Variants in CPQ observed in about 807,000 individuals in gnomAD.
CPQ encodes the protein Ser-Met dipeptidase.
In CPQ, 37 loss-of-function variants were observed where a neutral mutation model predicts 45.7. The ratio of observed to expected loss-of-function variants is 0.81; its 90% CI spans 0.62 to 1.07. CPQ has a LOEUF of 1.07. Among genes scored for constraint, CPQ ranks in the 50% least tolerant of loss-of-function variants. The pLI is 0.00. For synonymous variants in CPQ, 186 were observed against 205.8 expected, an observed-to-expected ratio of 0.90 and a Z score of 0.82; for missense variants, 537 against 572.9, an observed-to-expected ratio of 0.94 and a Z score of 0.64.
At chr8:96,959,127 A>G (rs1365862419) in intron 4 of CPQ, among the ~76,000 whole-genome samples, 1 of 152,134 alleles carries the variant, frequency 6.6e-6, no homozygotes. Context: ...CACCCTCTGA[A>G]AGCCAAGGCT....
intron 1 of CPQ, among the ~76,000 whole-genome samples, chr8:96,709,564 T>A (rs999945106): frequency 6.6e-6 from 1 of 152,196 alleles, no homozygotes; most frequent in African/African-American, 2.4e-5. Flanking sequence ...AACATATGCA[T>A]GCAAGTGTCT....
rs552995290 is a variant in CPQ at position 96,877,989 on chromosome 8, G to T, written c.642-1809G>T. Among the ~76,000 whole-genome samples, 61 of 151,934 alleles carry T rather than the reference G, an allele frequency of 4.0e-4. No homozygotes were observed. The South Asian group carries it at 0.012, about 30-fold the overall frequency. ...TTTCTTTTTTTTTTTCTGAGACGGA[G>T]TCTCGCTCTGTCGCCCAGGCTGGAG... is the stretch of plus-strand genomic sequence containing the variant. On this transcript the variant is annotated intron_variant, in intron 3 of 7. Transcript: ENST00000220763.
intron 7 of CPQ, among the ~76,000 whole-genome samples, chr8:97,119,155 C>G (rs1015760646): frequency 2.0e-5 from 3 of 151,726 alleles, no homozygotes; most frequent in African/African-American, 7.3e-5. Flanking sequence ...ATGGTGAAAC[C>G]CTGACTCTAC....
intron 3 of CPQ, among the ~76,000 whole-genome samples, chr8:96,846,431 C>T (rs1190486007): frequency 6.6e-6 from 1 of 152,020 alleles, no homozygotes; most frequent in Non-Finnish European, 1.5e-5. Context: ...GATGTCTTTC[C>T]CATCTTTTGT....
In CPQ at chr8:96,986,306, A is replaced by G. The variant is rs535460730; in HGVS notation, c.961+20260A>G. Among the ~76,000 whole-genome samples, 3 of 152,284 alleles carry G rather than the reference A, an allele frequency of 2.0e-5. No homozygotes were observed. In the South Asian group the frequency reaches 6.2e-4, roughly 32 times the overall value. On this transcript the variant is annotated intron_variant, in intron 5 of 7. Transcript: ENST00000220763. ...CCTAATTTTCATATCGGATTAGAAAATTCGATTGGACCATCAAAGCAAATG... is the reference window on the plus strand; with the variant it reads ...CCTAATTTTCATATCGGATTAGAAAGTTCGATTGGACCATCAAAGCAAATG...
chr8:96,977,382 C>T (rs893340126), intron 5 of CPQ, among the ~76,000 whole-genome samples: 10 of 151,564 alleles, frequency 6.6e-5, no homozygotes, highest in Non-Finnish European at 1.3e-4. Flanking sequence ...CACTTTTACA[C>T]TGATGGTGGG....
chr8:96,788,078 C>G (rs1232350541), intron 2 of CPQ, among the ~76,000 whole-genome samples: 3 of 148,654 alleles, frequency 2.0e-5, no homozygotes, highest in Admixed American at 6.7e-5. Flanking sequence ...TCTTTTCTTT[C>G]TTTCTTTTTT....
chr8:97,066,412 C>G (rs1810637201), intron 7 of CPQ, among the ~76,000 whole-genome samples: 2 of 152,158 alleles, frequency 1.3e-5, no homozygotes, highest in African/African-American at 2.4e-5. Context: ...CTGTATCCCT[C>G]CACTCTTTCT....
chr8:96,937,885 C>T (rs972024183), intron 4 of CPQ, among the ~76,000 whole-genome samples: 7 of 152,282 alleles, frequency 4.6e-5, no homozygotes, highest in African/African-American at 1.2e-4. Flanking sequence ...CTGTGCTAGT[C>T]GGGCACTGTG....
At chr8:96,695,137 A>T (rs565461905) in intron 1 of CPQ, among the ~76,000 whole-genome samples, 1 of 149,894 alleles carries the variant, frequency 6.7e-6, no homozygotes, top group African/African-American at 2.5e-5. Context: ...ATAATGCCAC[A>T]TATCTACAAC....
chr8:96,739,052 G>A (rs916640422), intron 1 of CPQ, among the ~76,000 whole-genome samples: 6 of 151,414 alleles, frequency 4.0e-5, no homozygotes, highest in Non-Finnish European at 8.8e-5. Flanking sequence ...TTCCACAATG[G>A]TTGAACTAGT....
At chr8:96,789,379 C>T (rs960255350) in intron 2 of CPQ, among the ~76,000 whole-genome samples, 3 of 152,106 alleles carry the variant, frequency 2.0e-5, no homozygotes, top group African/African-American at 7.2e-5. Context: ...ATGTCTATTT[C>T]TCCTACACTG....
chr8:96,864,194 C>G (rs560524623), intron 3 of CPQ, among the ~76,000 whole-genome samples: 1 of 152,118 alleles, frequency 6.6e-6, no homozygotes, highest in South Asian at 2.1e-4. Flanking sequence ...CTGGCTTATT[C>G]TGGAGTTGGA....
intron 3 of CPQ, among the ~76,000 whole-genome samples, chr8:96,864,708 A>T (rs138967256): frequency 1.3e-5 from 2 of 152,094 alleles, no homozygotes; most frequent in African/African-American, 4.8e-5. Flanking sequence ...TTTTAAATAA[A>T]TATCTTTATT....
At chr8:96,979,101 G>A (rs1192970790) in intron 5 of CPQ, among the ~76,000 whole-genome samples, 1 of 151,284 alleles carries the variant, frequency 6.6e-6, no homozygotes, top group East Asian at 1.9e-4. Flanking sequence ...AGTTTGAGGA[G>A]TAGAAGATGT....
At chr8:97,017,423 A>C (rs1809600251) in intron 5 of CPQ, among the ~76,000 whole-genome samples, 2 of 152,118 alleles carry the variant, frequency 1.3e-5, no homozygotes, top group Admixed American at 1.3e-4. Context: ...AACTGGGGGG[A>C]GGGCATGAAT....
intron 7 of CPQ, among the ~76,000 whole-genome samples, chr8:97,085,673 G>T (rs1811029242): frequency 6.6e-6 from 1 of 152,108 alleles, no homozygotes; most frequent in South Asian, 2.1e-4. Context: ...TCATTTAAAA[G>T]ATAGGTACTG....
At chr8:96,690,061 T>C (rs1809285777) in intron 1 of CPQ, among the ~76,000 whole-genome samples, 2 of 152,166 alleles carry the variant, frequency 1.3e-5, no homozygotes, top group South Asian at 4.1e-4. Context: ...TCTCCTTGTA[T>C]TGCCTTGCCT....
At chr8:96,866,833 T>C (rs1812002365) in intron 3 of CPQ, among the ~76,000 whole-genome samples, 1 of 152,162 alleles carries the variant, frequency 6.6e-6, no homozygotes. Flanking sequence ...GGATTTGGAA[T>C]TATTGCAGCT....
Sources: gnomAD v4.1 joint callset for allele counts (sites outside exome capture counted in the v4.1 genomes callset) on GRCh38, gnomAD v4.1.1 for gene constraint, MANE v1.5 for transcripts, NCBI Gene and HGNC (gene_info 2026-07-23, HGNC 2026-07-21) for gene names.